LRRTM4: variants seen among roughly 807,000 people sequenced by gnomAD.
LRRTM4 encodes leucine rich repeat transmembrane neuronal 4, also known as leucine-rich repeat transmembrane neuronal protein 4.
Under a neutral mutation model 47.6 loss-of-function variants are expected in LRRTM4, and 25 were observed. That is an observed-to-expected ratio of 0.53 (90% CI 0.38 to 0.73). The LOEUF is 0.73. Ranked by LOEUF, LRRTM4 falls within the 30% of genes least tolerant of loss-of-function variation. LRRTM4 has a pLI of 0.00. For synonymous variants in LRRTM4, 311 were observed against 269.5 expected (o/e 1.15, Z -1.51); for missense variants, 638 against 713.4 (o/e 0.89, Z 1.20).
At chr2:77,207,293 T>C (rs1674155279) in intron 3 of LRRTM4, among the ~76,000 whole-genome samples, 2 of 146,648 alleles carry the variant, frequency 1.4e-5, no homozygotes, top group South Asian at 4.2e-4. Context: ...TGTGTGTATA[T>C]ATATACGTAT....
intron 3 of LRRTM4, among the ~76,000 whole-genome samples, chr2:77,174,434 G>A (rs1673136087): frequency 6.6e-6 from 1 of 152,192 alleles, no homozygotes; most frequent in Non-Finnish European, 1.5e-5. Context: ...CAGCACAGGT[G>A]TATCTCTGCT....
intron 3 of LRRTM4, among the ~76,000 whole-genome samples, chr2:77,059,404 T>C (rs550516973): frequency 2.0e-5 from 3 of 152,066 alleles, no homozygotes; most frequent in African/African-American, 7.3e-5. Context: ...GCTTCAGCAC[T>C]TAGATATTAG....
intron 3 of LRRTM4, among the ~76,000 whole-genome samples, chr2:76,878,286 T>TTC (rs1672833006): frequency 6.6e-6 from 1 of 151,902 alleles, no homozygotes; most frequent in Admixed American, 6.6e-5. Flanking sequence ...ACTCCTCTAT[T>TTC]TCTCTCTCTC....
At chr2:77,433,444 A>C (rs1675466012) in intron 3 of LRRTM4, among the ~76,000 whole-genome samples, 1 of 152,210 alleles carries the variant, frequency 6.6e-6, no homozygotes, top group Non-Finnish European at 1.5e-5. Flanking sequence ...TGCCAAGTTC[A>C]GAGAAAGCTT....
At chr2:76,824,009 GC>G (rs1260928656) in intron 3 of LRRTM4, among the ~76,000 whole-genome samples, 1 of 149,362 alleles carries the variant, frequency 6.7e-6, no homozygotes. Context: ...AGAAATTTGT[GC>G]TCACATGTGT....
At chr2:77,390,044 A>G (rs1673436011) in intron 3 of LRRTM4, among the ~76,000 whole-genome samples, 1 of 152,092 alleles carries the variant, frequency 6.6e-6, no homozygotes, top group East Asian at 1.9e-4. Context: ...ACATGTACTA[A>G]AGAACATATG....
intron 3 of LRRTM4, among the ~76,000 whole-genome samples, chr2:77,236,670 G>A (rs568245519): frequency 1.1e-3 from 164 of 152,052 alleles, no homozygotes; most frequent in African/African-American, 3.7e-3. Flanking sequence ...TGTCATAGAT[G>A]GCTCTTATTA....
At chr2:77,124,714 T>C (rs1056587544) in intron 3 of LRRTM4, among the ~76,000 whole-genome samples, 24 of 152,190 alleles carry the variant, frequency 1.6e-4, no homozygotes, top group Admixed American at 1.4e-3. Flanking sequence ...TGTATTCCTC[T>C]AGCCATCAGC....
At chr2:77,305,862 T>C (rs1363703155) in intron 3 of LRRTM4, among the ~76,000 whole-genome samples, 1 of 152,120 alleles carries the variant, frequency 6.6e-6, no homozygotes, top group Non-Finnish European at 1.5e-5. Flanking sequence ...TTTAAAAATA[T>C]ATTAATGAAA....
At chr2:76,937,520 G>T (rs527938825) in intron 3 of LRRTM4, among the ~76,000 whole-genome samples, 11 of 152,256 alleles carry the variant, frequency 7.2e-5, no homozygotes, top group Admixed American at 2.0e-4. Flanking sequence ...TTTAATGTAG[G>T]CATTAGGCAA....
chr2:77,084,826 G>C (rs1425251502), intron 3 of LRRTM4, among the ~76,000 whole-genome samples: 1 of 152,164 alleles, frequency 6.6e-6, no homozygotes, highest in Non-Finnish European at 1.5e-5. Flanking sequence ...ACATTTATAA[G>C]TGGTAACAAT....
chr2:77,495,594 C>G (rs934167741), intron 3 of LRRTM4, among the ~76,000 whole-genome samples: 3 of 151,846 alleles, frequency 2.0e-5, no homozygotes, highest in African/African-American at 7.2e-5. Flanking sequence ...GTGATTTTTG[C>G]TTGATTTTGG....
chr2:77,438,487 C>A (rs574837593), intron 3 of LRRTM4, among the ~76,000 whole-genome samples: 12 of 148,226 alleles, frequency 8.1e-5, no homozygotes, highest in South Asian at 2.1e-4. Context: ...GCTCACTGCG[C>A]GCTCCGCCTC....
intron 3 of LRRTM4, among the ~76,000 whole-genome samples, chr2:77,344,886 G>A (rs1370064521): frequency 2.0e-5 from 3 of 150,700 alleles, no homozygotes; most frequent in Non-Finnish European, 4.4e-5. Context: ...CATACCTGGG[G>A]GTAAATTATG....
Position 77,063,179 on chromosome 2 carries a change from C to T in LRRTM4, c.1552-314263G>A, listed in dbSNP as rs1242468982. On this transcript the variant is annotated intron_variant, in intron 3 of 3. Transcript: ENST00000409884. ...TTCACCATATTGGCCAGGCTGGTCT[C>T]GAACGCCTGACCTCGTGATCCGCCC... 2.2e-4 allele frequency among the ~76,000 whole-genome samples: 33 copies of T among 151,964 alleles called. 1 individual carries two copies. The highest frequency in any genetic ancestry group is 8.8e-5 in the Non-Finnish European group (6 of 67,982).
intron 3 of LRRTM4, among the ~76,000 whole-genome samples, chr2:77,091,285 C>T (rs1670629570): frequency 6.7e-6 from 1 of 148,420 alleles, no homozygotes; most frequent in Admixed American, 6.7e-5. Flanking sequence ...TACCTCTACT[C>T]CCTCCTTGGC....
chr2:77,130,719 G>C (rs1671772838), intron 3 of LRRTM4, among the ~76,000 whole-genome samples: 1 of 150,558 alleles, frequency 6.6e-6, no homozygotes, highest in Admixed American at 6.6e-5. Flanking sequence ...CACCGTGTTA[G>C]CCAGGATGGT....
chr2:77,010,993 A>T (rs186144842), intron 3 of LRRTM4, among the ~76,000 whole-genome samples: 1 of 152,208 alleles, frequency 6.6e-6, no homozygotes, highest in Non-Finnish European at 1.5e-5. Context: ...ATTCATCCAT[A>T]TAGGAGACAG....
At chr2:76,749,886 T>C (rs1226137982) in intron 3 of LRRTM4, among the ~76,000 whole-genome samples, 1 of 152,202 alleles carries the variant, frequency 6.6e-6, no homozygotes, top group Non-Finnish European at 1.5e-5. Flanking sequence ...AATCCACAGA[T>C]GAGAAAAGTG....
Sources: gnomAD v4.1 joint callset for allele counts (sites outside exome capture counted in the v4.1 genomes callset) on GRCh38, gnomAD v4.1.1 for gene constraint, MANE v1.5 for transcripts, NCBI Gene and HGNC (gene_info 2026-07-23, HGNC 2026-07-21) for gene names.